The following IRS1 variants were observed in gnomAD, a reference collection of about 807,000 sequenced individuals.
IRS1 encodes insulin receptor substrate 1.
IRS1 carries 34 observed loss-of-function variants against 65.6 expected under a neutral mutation model. The observed-to-expected ratio is 0.52, with a 90% confidence interval of 0.39 to 0.69. IRS1 has a LOEUF of 0.69. IRS1 is among the 30% of genes least tolerant of loss of function. The pLI, the probability that IRS1 is intolerant of heterozygous loss-of-function variation, is 0.00. For missense variants in IRS1, 1,641 were observed against 1,720.2 expected, an observed-to-expected ratio of 0.95 and a Z score of 0.81; for synonymous variants, 699 against 683.5, an observed-to-expected ratio of 1.02 and a Z score of -0.35.
At chr2:226,759,091 TGTGTCCGGGGCTGGTG>T (rs1938862989) in intron 1 of IRS1, among the ~76,000 whole-genome samples, 13 of 152,346 alleles carry the variant, frequency 8.5e-5, no homozygotes, top group African/African-American at 3.1e-4. Flanking sequence ...CAAAACTGCC[TGTGTCCGGGGCTGGTG>T]CAAGGGATTA....
chr2:226,795,224 CCCCCAGCAG>C lies in IRS1; in HGVS notation c.3506_3514del (p.Ala1169_Gly1171del), dbSNP rs759343037. On this transcript the variant is annotated inframe_deletion, in exon 1 of 2. Coordinates refer to ENST00000305123, the MANE Select transcript of IRS1 (RefSeq NM_005544.3). ...TATGTAGTTAAGACCATTCTCCAAA[CCCCCAGCAG>C]CCCCACACAGTTTGGCTGGCTCCTT... 3 of 1,613,932 alleles carry C rather than the reference CCCCCAGCAG, an allele frequency of 1.9e-6. No individual in the cohort carries two copies. The East Asian group carries it at 6.7e-5, about 36-fold the overall frequency.
At chr2:226,793,766 C>T (rs1293207152) in intron 1 of IRS1, among the ~76,000 whole-genome samples, 1 of 152,214 alleles carries the variant, frequency 6.6e-6, no homozygotes, top group African/African-American at 2.4e-5. Context: ...TAAAGTGTTT[C>T]CAAATGCTGG....
At position 226,798,378 on chromosome 2, in the gene IRS1, G is replaced by A; in HGVS notation, c.361C>T (p.His121Tyr). The A allele has an allele frequency of 3.7e-6, 6 of 1,613,922 alleles. No homozygotes were observed. Among genetic ancestry groups the A allele is most frequent in the East Asian group, 2.2e-5 (1 of 44,872 alleles). Residue 121 changes from histidine (H) to tyrosine (Y), a missense_variant, in exon 1 of 2, where the codon CAC becomes TAC. Transcript: ENST00000305123. The surrounding 1 kb of genome is among the most constrained non-coding windows in gnomAD (Gnocchi z 9.4). The stretch of plus-strand genomic sequence containing the variant: ...GCCCCGAGGGCCGCAGCTCCGTCGT[G>A]GTGGCCCTTAGCACGGTTGTGCAGC... ...LQLHNRAKGH[H>Y]DGAAALGAGG...
At chr2:226,792,743 G>A (rs1939635404) in intron 1 of IRS1, among the ~76,000 whole-genome samples, 1 of 152,228 alleles carries the variant, frequency 6.6e-6, no homozygotes, top group African/African-American at 2.4e-5. Context: ...CAATTGCTGA[G>A]GAAGTGAGGA....
At chr2:226,789,005 G>C (rs1939540641) in intron 1 of IRS1, among the ~76,000 whole-genome samples, 1 of 152,140 alleles carries the variant, frequency 6.6e-6, no homozygotes, top group South Asian at 2.1e-4. Context: ...GTGTGAAACT[G>C]GCTTCAAGCA....
chr2:226,741,820 CACACACATA>C (rs756219828), intron 1 of IRS1, among the ~76,000 whole-genome samples: 7,764 of 148,158 alleles, frequency 0.052, 358 homozygotes, highest in East Asian at 0.18. Context: ...CACACACACA[CACACACATA>C]ACACACACAC....
At chr2:226,788,030 A>C (rs1939518013) in intron 1 of IRS1, among the ~76,000 whole-genome samples, 1 of 152,032 alleles carries the variant, frequency 6.6e-6, no homozygotes, top group Non-Finnish European at 1.5e-5. Context: ...AAAAAAAAAA[A>C]CGTCTCTTTG....
chr2:226,781,434 CTCTAT>C (rs1303608135), intron 1 of IRS1, among the ~76,000 whole-genome samples: 1 of 152,054 alleles, frequency 6.6e-6, no homozygotes, highest in African/African-American at 2.4e-5. Flanking sequence ...TGGAATAGGG[CTCTAT>C]TCATAGAGAA....
At chr2:226,761,856 T>C (rs773863332) in intron 1 of IRS1, among the ~76,000 whole-genome samples, 2 of 152,344 alleles carry the variant, frequency 1.3e-5, no homozygotes, top group South Asian at 2.1e-4. Flanking sequence ...AGTACAGACA[T>C]GGATAACAGA....
chr2:226,744,740 G>A (rs1270112321), intron 1 of IRS1, among the ~76,000 whole-genome samples: 1 of 152,126 alleles, frequency 6.6e-6, no homozygotes, highest in Non-Finnish European at 1.5e-5. Flanking sequence ...CCCAGCCATG[G>A]AAAAATTGTC....
chr2:226,791,456 C>A (rs931241686), intron 1 of IRS1, among the ~76,000 whole-genome samples: 2 of 152,206 alleles, frequency 1.3e-5, no homozygotes, highest in African/African-American at 4.8e-5. Flanking sequence ...TGTTTCCGGC[C>A]CCCGTCCGTG....
Position 226,796,984 on chromosome 2 carries a change from C to G in IRS1, c.1755G>C (p.Glu585Asp). ...AFVPTRSYPE[E>D]GLEMHPLERR... is the part of the protein sequence containing the mutation. Reference sequence around the variant, plus strand: ...GCTCCAAGGGGTGCATTTCCAGACCCTCCTCTGGGTAGGAGCGGGTGGGCA... The same window carrying G: ...GCTCCAAGGGGTGCATTTCCAGACCGTCCTCTGGGTAGGAGCGGGTGGGCA... Residue 585 changes from glutamate to aspartate, a missense_variant, in exon 1 of 2, where the codon GAG becomes GAC. This residue lies in a region of IRS1 where 1,324 missense variants were observed against 1,361.0 expected (regional missense o/e 0.97). Coordinates refer to ENST00000305123, the MANE Select transcript of IRS1 (RefSeq NM_005544.3). The G allele has an allele frequency of 1.3e-6, 2 of 1,586,926 alleles. No individual in the cohort carries two copies. The highest frequency in any genetic ancestry group is 1.7e-6 in the Non-Finnish European group (2 of 1,163,102).
chr2:226,744,175 A>T (rs371641895), intron 1 of IRS1, among the ~76,000 whole-genome samples: 9 of 152,334 alleles, frequency 5.9e-5, no homozygotes, highest in East Asian at 3.9e-4. Context: ...CACTTTTGGC[A>T]GCTGGAGAAG....
chr2:226,755,018 G>A (rs1041219454), intron 1 of IRS1, among the ~76,000 whole-genome samples: 2 of 152,166 alleles, frequency 1.3e-5, no homozygotes, highest in African/African-American at 2.4e-5. Context: ...AAGGTAAAGC[G>A]TGAGGCCTGA....
At chr2:226,759,790 A>G (rs1938878176) in intron 1 of IRS1, among the ~76,000 whole-genome samples, 1 of 152,228 alleles carries the variant, frequency 6.6e-6, no homozygotes, top group Non-Finnish European at 1.5e-5. Context: ...TAAAATGCAA[A>G]TATGCCATGA....
intron 1 of IRS1, among the ~76,000 whole-genome samples, chr2:226,778,172 A>C (rs1201931336): frequency 6.6e-6 from 1 of 152,150 alleles, no homozygotes; most frequent in Non-Finnish European, 1.5e-5. Flanking sequence ...TTTAGAACTT[A>C]ATAGTACTTT....
In IRS1 at chr2:226,799,796, C is replaced by T; in HGVS notation, c.-1058G>A. ...GGAGAAAAACACGTGACGGAGCCTC[C>T]GCGCTCGGCAGCCGGGCAGCCGCCG... is the stretch of plus-strand genomic sequence containing the variant. On this transcript the variant is annotated 5_prime_UTR_variant, in exon 1 of 2. Coordinates refer to ENST00000305123, the MANE Select transcript of IRS1 (RefSeq NM_005544.3). The surrounding 1 kb of genome is among the most constrained non-coding windows in gnomAD (Gnocchi z 6.1). The T allele has an allele frequency of 1.0e-6, 1 of 991,128 alleles. No individual in the cohort carries two copies. The highest frequency in any genetic ancestry group is 1.2e-6 in the Non-Finnish European group (1 of 829,824). 61.4% of individuals were successfully genotyped at this position (991,128 alleles called of 1,614,324 possible).
intron 1 of IRS1, among the ~76,000 whole-genome samples, chr2:226,766,121 T>TTATATATATATATATATA (rs1171119286): frequency 7.0e-5 from 1 of 14,240 alleles, no homozygotes; most frequent in Non-Finnish European, 1.3e-4. Flanking sequence ...TCTCTTAATC[T>TTATATATATATATATATA]TATATATATA....
intron 1 of IRS1, among the ~76,000 whole-genome samples, chr2:226,788,226 T>C (rs1241406453): frequency 6.6e-6 from 1 of 152,078 alleles, no homozygotes; most frequent in East Asian, 1.9e-4. Context: ...TAAAAAGGAA[T>C]ACAATGAATG....
Sources: gnomAD v4.1 joint callset for allele counts (sites outside exome capture counted in the v4.1 genomes callset) on GRCh38, gnomAD v4.1.1 for gene constraint, gnomAD v4.1.1 regional missense constraint, Gnocchi (gnomAD v3.1) non-coding constraint, MANE v1.5 for transcripts, NCBI Gene and HGNC (gene_info 2026-07-23, HGNC 2026-07-21) for gene names.